PPP6R3: variants seen among roughly 807,000 people sequenced by gnomAD.
PPP6R3 encodes the protein serine/threonine-protein phosphatase 6 regulatory subunit 3.
A neutral mutation model predicts 110.7 loss-of-function variants in PPP6R3; 38 were observed. The observed-to-expected ratio is 0.34, with a 90% CI of 0.26 to 0.45. The LOEUF is 0.45. Among genes scored for constraint, PPP6R3 ranks in the 20% least tolerant of loss-of-function variants. The probability of loss-of-function intolerance (pLI) is 1.00; values close to 1 mark genes in which losing one functional copy is unlikely to be tolerated. For missense variants in PPP6R3, 870 were observed against 1,062.4 expected (o/e 0.82, Z 2.52); for synonymous variants, 369 against 373.5 (o/e 0.99, Z 0.14).
At chr11:68,554,799 A>G (rs1216036053) in intron 7 of PPP6R3, among the ~76,000 whole-genome samples, 1 of 152,190 alleles carries the variant, frequency 6.6e-6, no homozygotes, top group Admixed American at 6.5e-5. Context: ...CAAACAGCTG[A>G]ACGTTATTTT....
At chr11:68,475,059 G>C (rs1355831720) in intron 1 of PPP6R3, among the ~76,000 whole-genome samples, 3 of 152,142 alleles carry the variant, frequency 2.0e-5, no homozygotes, top group Non-Finnish European at 4.4e-5. Context: ...AGAGGACCCT[G>C]CGGCCCTCTG....
intron 12 of PPP6R3, among the ~76,000 whole-genome samples, chr11:68,572,747 TGA>T (rs2153791491): frequency 6.6e-6 from 1 of 151,992 alleles, no homozygotes; most frequent in South Asian, 2.1e-4. Context: ...GAGGCCGAAG[TGA>T]GAGAATTGCC....
At chr11:68,499,630 G>A (rs2099037528) in intron 1 of PPP6R3, among the ~76,000 whole-genome samples, 1 of 152,142 alleles carries the variant, frequency 6.6e-6, no homozygotes, top group South Asian at 2.1e-4. Flanking sequence ...GTGCAGTGGT[G>A]CGATCATAGC....
chr11:68,595,992 T>G, intron 18 of PPP6R3, 105 bp from the exon 19 acceptor site: 1 of 1,407,898 alleles, frequency 7.1e-7, no homozygotes, highest in Non-Finnish European at 9.8e-7. Flanking sequence ...GTGATCCTGC[T>G]GAAGCACCAC....
At chr11:68,508,860 A>G (rs572068916) in intron 1 of PPP6R3, among the ~76,000 whole-genome samples, 1 of 142,898 alleles carries the variant, frequency 7.0e-6, no homozygotes, top group African/African-American at 2.6e-5. Context: ...GTTAGGTTGT[A>G]TGACTGTTGA....
At chr11:68,597,499 C>T (rs959944634) in intron 19 of PPP6R3, among the ~76,000 whole-genome samples, 27 of 152,078 alleles carry the variant, frequency 1.8e-4, no homozygotes, top group East Asian at 5.8e-4. Flanking sequence ...GAAAAATGGA[C>T]GAGAAAACGC....
chr11:68,582,724 T>C (rs1278347238), intron 14 of PPP6R3, among the ~76,000 whole-genome samples: 2 of 152,248 alleles, frequency 1.3e-5, no homozygotes, highest in Non-Finnish European at 2.9e-5. Flanking sequence ...GTCTTTCTTT[T>C]TGTAAACATT....
chr11:68,470,405 G>A (rs2153233326), intron 1 of PPP6R3, among the ~76,000 whole-genome samples: 1 of 152,236 alleles, frequency 6.6e-6, no homozygotes, highest in African/African-American at 2.4e-5. Flanking sequence ...TGGAGGGGCA[G>A]CGGAGGCCAG....
At chr11:68,517,465 C>T (rs2099142634) in intron 1 of PPP6R3, among the ~76,000 whole-genome samples, 1 of 152,094 alleles carries the variant, frequency 6.6e-6, no homozygotes, top group Non-Finnish European at 1.5e-5. Context: ...TAAAAGGAAC[C>T]AAGACTCCTT....
At chr11:68,563,181 A>G (rs1271654977) in intron 8 of PPP6R3, among the ~76,000 whole-genome samples, 2 of 151,954 alleles carry the variant, frequency 1.3e-5, no homozygotes, top group Non-Finnish European at 1.5e-5. Flanking sequence ...GAGGAGGATC[A>G]CTTGAGCCCA....
chr11:68,516,482 A>G (rs779185397), intron 1 of PPP6R3, among the ~76,000 whole-genome samples: 1 of 152,240 alleles, frequency 6.6e-6, no homozygotes, highest in Non-Finnish European at 1.5e-5. Context: ...CTCATTATGT[A>G]TATGCAGATA....
At chr11:68,580,320 T>C (rs1206421658) in intron 14 of PPP6R3, among the ~76,000 whole-genome samples, 1 of 152,198 alleles carries the variant, frequency 6.6e-6, no homozygotes, top group African/African-American at 2.4e-5. Flanking sequence ...GGTTTTGAAC[T>C]AAAAAGTGCC....
intron 12 of PPP6R3, among the ~76,000 whole-genome samples, chr11:68,573,153 TA>T (rs1555174153): frequency 1.1e-4 from 11 of 103,600 alleles, no homozygotes; most frequent in East Asian, 6.4e-4. Context: ...TATATATATA[TA>T]ATTTTTTTTT....
At chr11:68,461,200 G>T (rs1206596572) in intron 1 of PPP6R3, among the ~76,000 whole-genome samples, 1 of 151,170 alleles carries the variant, frequency 6.6e-6, no homozygotes, top group African/African-American at 2.4e-5. Context: ...CCGCAGTCTC[G>T]CCCCCCGCCC....
chr11:68,538,614 C>G lies in PPP6R3; in HGVS notation c.227+723C>G, dbSNP rs1185461558. 3.3e-5 allele frequency among the ~76,000 whole-genome samples: 5 copies of G among 152,328 alleles called. No homozygotes were observed. In the South Asian group the frequency reaches 8.3e-4, roughly 25 times the overall value. On this transcript the variant is annotated intron_variant, in intron 3 of 23. Transcript: ENST00000393800. ...AAGAATTAGGCTTTTAGTAGTGTCTCTCTTGCCATTTGTCCCTCAGTTTAC... is the reference window on the plus strand; with the variant it reads ...AAGAATTAGGCTTTTAGTAGTGTCTGTCTTGCCATTTGTCCCTCAGTTTAC...
In PPP6R3 at chr11:68,611,588, G is replaced by A. The variant is rs74992351; in HGVS notation, c.2571-1478G>A. Among the ~76,000 whole-genome samples, 283 of 152,252 alleles carry A rather than the reference G, an allele frequency of 1.9e-3. 1 individual carries two copies. The highest frequency in any genetic ancestry group is 6.4e-3 in the African/African-American group (264 of 41,554). On this transcript the variant is annotated intron_variant, in intron 23 of 23. Coordinates refer to ENST00000393800, the MANE Select transcript of PPP6R3 (RefSeq NM_001164161.2). ...TCTGTCCTTCTTTCCTCTGACACAC[G>A]TTTGTGTGTGGTGGCCACTGGTCTA...
At chr11:68,478,127 TTTA>T (rs1565288450) in intron 1 of PPP6R3, among the ~76,000 whole-genome samples, 1 of 151,912 alleles carries the variant, frequency 6.6e-6, no homozygotes, top group Non-Finnish European at 1.5e-5. Context: ...TTTTTGTACT[TTTA>T]GTAGAGATGG....
intron 10 of PPP6R3, 55 bp from the exon 11 acceptor site, chr11:68,569,693 G>C: frequency 7.2e-7 from 1 of 1,380,966 alleles, no homozygotes; most frequent in South Asian, 1.5e-5. Context: ...ATGTATTTAA[G>C]TATTGGCTTA....
intron 8 of PPP6R3, among the ~76,000 whole-genome samples, chr11:68,560,033 C>G (rs1300659590): frequency 1.3e-5 from 2 of 152,088 alleles, no homozygotes; most frequent in African/African-American, 2.4e-5. Flanking sequence ...ACAAGGCCAT[C>G]ATTGCATTAT....
Sources: gnomAD v4.1 joint callset for allele counts (sites outside exome capture counted in the v4.1 genomes callset) on GRCh38, gnomAD v4.1.1 for gene constraint, MANE v1.5 for transcripts, NCBI Gene and HGNC (gene_info 2026-07-23, HGNC 2026-07-21) for gene names.